OTOGL: variants seen among roughly 807,000 people sequenced by gnomAD.
OTOGL encodes the protein otogelin like.
Under a neutral mutation model 318.5 loss-of-function variants are expected in OTOGL, and 285 were observed. The observed-to-expected ratio is 0.89, with a 90% CI of 0.81 to 0.99. The LOEUF (loss-of-function observed/expected upper bound fraction) is 0.99. Among genes scored for constraint, OTOGL ranks in the 50% least tolerant of loss-of-function variants. OTOGL has a pLI of 0.00. For missense variants in OTOGL, 2,899 were observed against 2,845.6 expected (o/e 1.02, Z -0.43); for synonymous variants, 987 against 936.5 (o/e 1.05, Z -0.99).
rs541679393 is a variant in OTOGL at position 80,222,120 on chromosome 12, A to G, written c.364A>G (p.Ile122Val). The G allele has an allele frequency of 6.3e-7, 1 of 1,598,694 alleles. No individual in the cohort carries two copies. Among genetic ancestry groups the G allele is most frequent in the Admixed American group, 1.7e-5 (1 of 59,964 alleles). ...IPNMGNGRDG[I>V]CKTWGQYHFE... ...AAACATGGGCAACGGCAGAGATGGG[A>G]TTTGTAAAACCTGGGGACAGTATCA... Residue 122 changes from isoleucine (I) to valine (V), a missense_variant, in exon 7 of 59, where the codon ATT becomes GTT. This residue lies in a region of OTOGL where 2,607 missense variants were observed against 2,524.9 expected (regional missense o/e 1.03). Coordinates refer to ENST00000547103, the MANE Select transcript of OTOGL (RefSeq NM_001378609.3).
At chr12:80,228,478 A>G (rs905974174) in intron 7 of OTOGL, among the ~76,000 whole-genome samples, 1 of 151,832 alleles carries the variant, frequency 6.6e-6, no homozygotes, top group Admixed American at 6.6e-5. Flanking sequence ...AACAAAAAAA[A>G]CCCCAAAACA....
In OTOGL at chr12:80,251,804, G is replaced by A; in HGVS notation, c.1159+5G>A. The A allele has an allele frequency of 6.4e-7, 1 of 1,559,640 alleles. No homozygotes were observed. The highest frequency in any genetic ancestry group is 1.2e-5 in the South Asian group (1 of 84,562). ...GAGATGACTTTCCAGCATGCAGTAT[G>A]TTTTTTTATTTTCCAAGCCCTGTGT... On this transcript the variant is annotated splice_donor_5th_base_variant and intron_variant, in intron 12 of 58. Transcript: ENST00000547103.
intron 1 of OTOGL, among the ~76,000 whole-genome samples, chr12:80,202,173 G>A (rs1876502237): frequency 6.6e-6 from 1 of 152,132 alleles, no homozygotes; most frequent in Non-Finnish European, 1.5e-5. Flanking sequence ...AGAAGGCTTG[G>A]TGGTATTGAG....
chr12:80,108,463 G>A (rs1053733981), intron 1 of OTOGL, among the ~76,000 whole-genome samples: 1 of 151,842 alleles, frequency 6.6e-6, no homozygotes, highest in Admixed American at 6.6e-5. Flanking sequence ...TTGGTGACGT[G>A]AAATTTGATT....
chr12:80,320,848 C>T (rs1592704607), intron 34 of OTOGL, 148 bp downstream of exon 34: 1 of 725,164 alleles, frequency 1.4e-6, no homozygotes, highest in South Asian at 2.1e-5. Context: ...CTCTATACCC[C>T]TCTATATCTC....
rs188822380 is a variant in OTOGL at position 80,192,449 on chromosome 12, G to A, written c.-19-16964G>A. On this transcript the variant is annotated intron_variant, in intron 1 of 58. Coordinates refer to ENST00000547103, the MANE Select transcript of OTOGL (RefSeq NM_001378609.3). ...CCCCCTTTCTTTGCTCTCACCGTGT[G>A]ATCTGACTTTCTCACAGAAGTTTGT... Among the ~76,000 whole-genome samples, 95 of 152,302 alleles carry A rather than the reference G, an allele frequency of 6.2e-4. 1 individual carries two copies. The South Asian group carries it at 0.01, about 17-fold the overall frequency.
chr12:80,202,803 C>A (rs561088409), intron 1 of OTOGL, among the ~76,000 whole-genome samples: 1 of 152,140 alleles, frequency 6.6e-6, no homozygotes, highest in Admixed American at 6.5e-5. Flanking sequence ...TCATGGGAAC[C>A]ACCGCTTGTC....
chr12:80,221,895 G>A (rs1878379209), intron 6 of OTOGL, among the ~76,000 whole-genome samples, 196 bp from the exon 7 acceptor site: 2 of 152,004 alleles, frequency 1.3e-5, no homozygotes, highest in Non-Finnish European at 2.9e-5. Context: ...TAACTACTTG[G>A]AGACCCTGTT....
At chr12:80,117,697 A>T (rs1382402694) in intron 1 of OTOGL, among the ~76,000 whole-genome samples, 1 of 152,178 alleles carries the variant, frequency 6.6e-6, no homozygotes, top group African/African-American at 2.4e-5. Context: ...GACCTAGAAG[A>T]ATCCTCAAAT....
intron 55 of OTOGL, among the ~76,000 whole-genome samples, chr12:80,369,072 A>G (rs1890729139): frequency 6.6e-6 from 1 of 151,974 alleles, no homozygotes; most frequent in African/African-American, 2.4e-5. Flanking sequence ...ACAAATCAGT[A>G]TTTGTTCCTT....
intron 34 of OTOGL, among the ~76,000 whole-genome samples, 161 bp downstream of exon 34, chr12:80,320,861 A>G (rs1887289087): frequency 6.6e-6 from 1 of 152,156 alleles, no homozygotes; most frequent in South Asian, 2.1e-4. Flanking sequence ...TATATCTCCA[A>G]TATACGTATT....
intron 26 of OTOGL, among the ~76,000 whole-genome samples, chr12:80,280,787 T>TA (rs1410203551): frequency 6.6e-6 from 1 of 151,670 alleles, no homozygotes; most frequent in Non-Finnish European, 1.5e-5. Context: ...CTTTGGGAAG[T>TA]ATGGCCATTT....
chr12:80,267,558 C>T (rs1318108698), intron 22 of OTOGL, among the ~76,000 whole-genome samples: 2 of 101,856 alleles, frequency 2.0e-5, no homozygotes, highest in Non-Finnish European at 3.7e-5. Context: ...TCCCTCCCCC[C>T]TCCCCCCACC....
At chr12:80,162,198 A>G (rs1873556719) in intron 1 of OTOGL, among the ~76,000 whole-genome samples, 1 of 152,202 alleles carries the variant, frequency 6.6e-6, no homozygotes, top group Non-Finnish European at 1.5e-5. Context: ...TTAAATAGAC[A>G]TCTATCCTTT....
At chr12:80,237,635 G>A (rs1344066211) in intron 9 of OTOGL, among the ~76,000 whole-genome samples, 1 of 151,974 alleles carries the variant, frequency 6.6e-6, no homozygotes, top group African/African-American at 2.4e-5. Flanking sequence ...TATATGAGGG[G>A]CAGAGCGGGT....
chr12:80,319,213 C>A (rs1410447702), intron 33 of OTOGL, among the ~76,000 whole-genome samples: 1 of 152,116 alleles, frequency 6.6e-6, no homozygotes, highest in East Asian at 1.9e-4. Context: ...GTGCCCTGAA[C>A]CTAGCTCTAC....
In OTOGL at chr12:80,355,746, T is replaced by A. The variant is rs775422271; in HGVS notation, c.5604T>A (p.Asp1868Glu). ...CIPEKECACT[D>E]SEDQPRTAGE... is the part of the protein sequence containing the mutation. ...GTTGATCTTTTTAAGCATGCACTGATAGTGAAGACCAACCCCGCACTGCTG... is the reference window on the plus strand; with the variant it reads ...GTTGATCTTTTTAAGCATGCACTGAAAGTGAAGACCAACCCCGCACTGCTG... Residue 1868 changes from aspartate (D) to glutamate (E), a missense_variant, in exon 47 of 59, where the codon GAT (aspartate) becomes GAA (glutamate). Coordinates refer to ENST00000547103, the MANE Select transcript of OTOGL (RefSeq NM_001378609.3). 4.3e-6 allele frequency: 7 copies of A among 1,612,966 alleles called. 1 individual carries two copies. In the Admixed American group the frequency reaches 1.2e-4, roughly 27 times the overall value.
At chr12:80,158,646 T>C (rs972424080) in intron 1 of OTOGL, among the ~76,000 whole-genome samples, 1 of 152,116 alleles carries the variant, frequency 6.6e-6, no homozygotes, top group Non-Finnish European at 1.5e-5. Flanking sequence ...TCACTGTTAA[T>C]GTATTGCAGA....
intron 19 of OTOGL, among the ~76,000 whole-genome samples, chr12:80,262,404 A>G (rs1429212364): frequency 6.6e-6 from 1 of 152,206 alleles, no homozygotes; most frequent in East Asian, 1.9e-4. Flanking sequence ...GAGTTTTCAG[A>G]GTCTTTAAAT....
Sources: gnomAD v4.1 joint callset for allele counts (sites outside exome capture counted in the v4.1 genomes callset) on GRCh38, gnomAD v4.1.1 for gene constraint, gnomAD v4.1.1 regional missense constraint, MANE v1.5 for transcripts, NCBI Gene and HGNC (gene_info 2026-07-23, HGNC 2026-07-21) for gene names.